PLXNA4: variants seen among roughly 807,000 people sequenced by gnomAD.
The protein encoded by PLXNA4 is plexin A4.
A neutral mutation model predicts 191.8 loss-of-function variants in PLXNA4; 44 were observed. The ratio of observed to expected loss-of-function variants is 0.23; its 90% CI spans 0.18 to 0.29. The LOEUF is 0.29. PLXNA4 is among the 10% of genes least tolerant of loss of function. The pLI, the probability that PLXNA4 is intolerant of heterozygous loss-of-function variation, is 1.00. For synonymous variants in PLXNA4, 1,082 were observed against 1,009.5 expected (o/e 1.07, Z -1.36); for missense variants, 1,800 against 2,488.8 (o/e 0.72, Z 5.89).
chr7:132,160,169 AG>A (rs1795906743), intron 24 of PLXNA4, among the ~76,000 whole-genome samples: 3 of 152,248 alleles, frequency 2.0e-5, no homozygotes, highest in Middle Eastern at 6.8e-3. Context: ...ATATTTCACA[AG>A]CTTCAATTTT....
chr7:132,359,362 A>C (rs1229627956), intron 3 of PLXNA4, among the ~76,000 whole-genome samples: 2 of 151,950 alleles, frequency 1.3e-5, no homozygotes. Context: ...CTGGAACCAC[A>C]GGTGCATACC....
intron 29 of PLXNA4, among the ~76,000 whole-genome samples, 176 bp downstream of exon 29, chr7:132,144,943 A>C (rs1005096722): frequency 2.6e-5 from 4 of 152,350 alleles, no homozygotes; most frequent in Non-Finnish European, 5.9e-5. Context: ...GAGTGAGCAC[A>C]AAAATCTAGG....
intron 4 of PLXNA4, among the ~76,000 whole-genome samples, chr7:132,284,708 C>G (rs1800618920): frequency 6.6e-6 from 1 of 152,142 alleles, no homozygotes; most frequent in East Asian, 1.9e-4. Context: ...CCAAAAACAC[C>G]TAATACGCTC....
At chr7:132,496,041 C>T (rs548298321) in intron 2 of PLXNA4, among the ~76,000 whole-genome samples, 3 of 152,316 alleles carry the variant, frequency 2.0e-5, no homozygotes, top group African/African-American at 4.8e-5. Flanking sequence ...GATGGACAGA[C>T]CTGGGCCATG....
intron 4 of PLXNA4, among the ~76,000 whole-genome samples, chr7:132,264,723 A>G (rs1172787326): frequency 7.0e-6 from 1 of 143,152 alleles, no homozygotes; most frequent in East Asian, 2.1e-4. Flanking sequence ...TTGTAGACAG[A>G]GTCTCACTGT....
chr7:132,461,712 G>A (rs1009146730), intron 3 of PLXNA4, among the ~76,000 whole-genome samples: 6 of 152,180 alleles, frequency 3.9e-5, no homozygotes, highest in Non-Finnish European at 4.4e-5. Flanking sequence ...AAAATCCAAC[G>A]GGCCTCAGGC....
At chr7:132,578,785 T>G (rs1436604872), upstream of PLXNA4, among the ~76,000 whole-genome samples, 2 of 152,240 alleles carry the variant, frequency 1.3e-5, no homozygotes, top group Non-Finnish European at 2.9e-5. Context: ...GGTTCTCTGC[T>G]GAGTCTTGCA....
In PLXNA4 at chr7:132,181,636, C is replaced by A; in HGVS notation, c.3253-16G>T. On this transcript the variant is annotated splice_polypyrimidine_tract_variant and intron_variant, in intron 17 of 31. Transcript: ENST00000321063. The stretch of plus-strand genomic sequence containing the variant: ...CCTCACAGATCTGTGGGAGGAGCCA[C>A]AGAGTGGAGTCTATGCAGTATCTCC... 1.2e-6 allele frequency: 2 copies of A among 1,613,330 alleles called. No homozygotes were observed. Among genetic ancestry groups the A allele is most frequent in the Admixed American group, 3.3e-5 (2 of 59,990 alleles).
At chr7:132,646,770 A>G (rs1045277093) in intron 1 of PLXNA4, among the ~76,000 whole-genome samples, 1 of 152,094 alleles carries the variant, frequency 6.6e-6, no homozygotes, top group Non-Finnish European at 1.5e-5. Flanking sequence ...AATGCATGAA[A>G]CTAGGCTGGA....
intron 3 of PLXNA4, among the ~76,000 whole-genome samples, chr7:132,332,166 T>A (rs192170300): frequency 1.4e-4 from 21 of 152,076 alleles, no homozygotes; most frequent in Admixed American, 1.0e-3. Flanking sequence ...GTGAAGGGAG[T>A]GGAAGGAACC....
At chr7:132,565,265 G>A (rs1297030551) in intron 1 of PLXNA4, among the ~76,000 whole-genome samples, 2 of 152,340 alleles carry the variant, frequency 1.3e-5, no homozygotes, top group Non-Finnish European at 2.9e-5. Flanking sequence ...CTAGCCCAGA[G>A]AGGGGACTTG....
intron 4 of PLXNA4, among the ~76,000 whole-genome samples, chr7:132,272,522 T>C (rs1337091261): frequency 6.6e-6 from 1 of 152,250 alleles, no homozygotes; most frequent in East Asian, 1.9e-4. Flanking sequence ...TTTGATCTGT[T>C]TGACAATCAA....
rs1794887785 is a variant in PLXNA4 at position 132,130,311 on chromosome 7, C to CT, written c.*167_*168insA. Reference sequence around the variant, plus strand: ...GCAGAGCAACTGGAAGAGAAGAGATCCAGGAAGGAGGGAGAAACGGAAAGA... The same window carrying CT: ...GCAGAGCAACTGGAAGAGAAGAGATCTCAGGAAGGAGGGAGAAACGGAAAGA... On this transcript the variant is annotated 3_prime_UTR_variant, in exon 32 of 32. Transcript: ENST00000321063. 2 of 942,808 alleles carry CT rather than the reference C, an allele frequency of 2.1e-6. No individual in the cohort carries two copies. Among genetic ancestry groups the CT allele is most frequent in the Non-Finnish European group, 3.1e-6 (2 of 640,794 alleles). 58.4% of individuals were successfully genotyped at this position (942,808 alleles called of 1,614,324 possible). A position where few individuals can be genotyped will look rare whatever the true frequency, so the allele number is the denominator to read the frequency against.
intron 3 of PLXNA4, among the ~76,000 whole-genome samples, chr7:132,398,222 A>G (rs1437217590): frequency 6.6e-6 from 1 of 152,252 alleles, no homozygotes; most frequent in Non-Finnish European, 1.5e-5. Context: ...GAGATGATCC[A>G]TTTGAAACCT....
intron 3 of PLXNA4, among the ~76,000 whole-genome samples, chr7:132,458,220 C>T (rs156943): frequency 6.6e-6 from 1 of 151,712 alleles, no homozygotes; most frequent in South Asian, 2.1e-4. Context: ...CCTACTAGAA[C>T]CAAAAAGTTC....
Position 132,128,007 on chromosome 7 carries a change from A to AAT in PLXNA4, c.*2471_*2472insAT, listed in dbSNP as rs1554446132. The stretch of plus-strand genomic sequence containing the variant: ...TTAACTGTGCAAAAAAAAAAAAAAA[A>AAT]AATCAAAATGCACTCACTCATACAC... On this transcript the variant is annotated 3_prime_UTR_variant, in exon 32 of 32. Coordinates refer to ENST00000321063, the MANE Select transcript of PLXNA4 (RefSeq NM_020911.2). 96 of 149,694 alleles carry AAT rather than the reference A, an allele frequency of 6.4e-4. No homozygotes were observed. The highest frequency in any genetic ancestry group is 2.3e-3 in the African/African-American group (92 of 40,162). The allele number at this position is 149,694 out of a possible 1,614,324, so 9.3% of individuals were successfully genotyped here.
chr7:132,256,204 C>T (rs1014166163), intron 4 of PLXNA4, among the ~76,000 whole-genome samples: 1 of 152,208 alleles, frequency 6.6e-6, no homozygotes, highest in African/African-American at 2.4e-5. Flanking sequence ...GAGGATGCAG[C>T]CTCCAGACAC....
At chr7:132,241,797 A>G (rs1411285114) in intron 4 of PLXNA4, among the ~76,000 whole-genome samples, 2 of 147,576 alleles carry the variant, frequency 1.4e-5, no homozygotes, top group African/African-American at 2.5e-5. Context: ...GGTGCTTTCA[A>G]AGAGCATCTG....
intron 29 of PLXNA4, among the ~76,000 whole-genome samples, chr7:132,143,634 G>A (rs1340128871): frequency 2.0e-5 from 3 of 152,164 alleles, no homozygotes; most frequent in African/African-American, 7.2e-5. Context: ...TGGTAGGCTG[G>A]GGACATGCCC....
Sources: allele counts gnomAD v4.1 joint callset (sites outside exome capture counted in the v4.1 genomes callset), GRCh38; gene constraint gnomAD v4.1.1; transcripts MANE v1.5; gene names NCBI Gene and HGNC (gene_info 2026-07-23, HGNC 2026-07-21).